FHIT: variants seen among roughly 807,000 people sequenced by gnomAD.
FHIT encodes the protein fragile histidine triad diadenosine triphosphatase, also known as bis(5'-adenosyl)-triphosphatase.
FHIT carries 19 observed loss-of-function variants against 17.9 expected under a neutral mutation model. The observed-to-expected ratio is 1.06, with a 90% CI of 0.74 to 1.56. The LOEUF is 1.56. Ranked by LOEUF, FHIT falls within the 40% of genes most tolerant of loss-of-function variation. FHIT has a pLI of 0.00. For missense variants in FHIT, 248 were observed against 189.2 expected (o/e 1.31, Z -1.82); for synonymous variants, 81 against 69.7 (o/e 1.16, Z -0.81).
At chr3:60,232,429 G>A (rs917915436) in intron 5 of FHIT, among the ~76,000 whole-genome samples, 2 of 152,112 alleles carry the variant, frequency 1.3e-5, no homozygotes, top group Non-Finnish European at 2.9e-5. Context: ...AGGACTGAAG[G>A]GAAGTCTTGG....
chr3:60,822,367 G>C (rs1176575616), intron 3 of FHIT, among the ~76,000 whole-genome samples: 1 of 152,162 alleles, frequency 6.6e-6, no homozygotes, highest in Non-Finnish European at 1.5e-5. Context: ...TTTGCAAAAA[G>C]ATGAGGCTGA....
intron 4 of FHIT, among the ~76,000 whole-genome samples, chr3:60,605,021 T>C (rs527720226): frequency 3.3e-5 from 5 of 152,066 alleles, no homozygotes; most frequent in Admixed American, 6.6e-5. Context: ...GTCTAAACCA[T>C]TCACATTTTT....
chr3:60,102,437 T>C lies in FHIT; in HGVS notation c.104-88285A>G, dbSNP rs539740902. ...GGGCGAGTAAGCCAGCACTTTCTGC[T>C]TTCACTTCTATCACTTTGGAAACAT... is the stretch of plus-strand genomic sequence containing the variant. On this transcript the variant is annotated intron_variant, in intron 5 of 9. Coordinates refer to ENST00000492590, the MANE Select transcript of FHIT (RefSeq NM_002012.4). 5.9e-5 allele frequency among the ~76,000 whole-genome samples: 9 copies of C among 152,300 alleles called. No individual in the cohort carries two copies. The East Asian group carries it at 1.2e-3, about 20-fold the overall frequency.
intron 5 of FHIT, among the ~76,000 whole-genome samples, chr3:60,144,058 G>A (rs2107309183): frequency 6.6e-6 from 1 of 150,586 alleles, no homozygotes; most frequent in Admixed American, 6.6e-5. Flanking sequence ...ACACTGGACT[G>A]AGAAATCAGT....
intron 4 of FHIT, among the ~76,000 whole-genome samples, chr3:60,808,477 T>A (rs1701472416): frequency 6.6e-6 from 1 of 152,174 alleles, no homozygotes; most frequent in Non-Finnish European, 1.5e-5. Flanking sequence ...CTCAACCCCA[T>A]ATTATATCAG....
chr3:60,150,422 T>C (rs1405202599), intron 5 of FHIT, among the ~76,000 whole-genome samples: 2 of 152,180 alleles, frequency 1.3e-5, no homozygotes, highest in African/African-American at 4.8e-5. Flanking sequence ...TCTCACCCCA[T>C]AAGGCAAACA....
intron 8 of FHIT, among the ~76,000 whole-genome samples, chr3:59,785,976 G>A (rs1207544565): frequency 1.3e-5 from 2 of 152,204 alleles, no homozygotes; most frequent in Non-Finnish European, 2.9e-5. Flanking sequence ...CATGGCGCCT[G>A]TGAGCTCTGA....
intron 2 of FHIT, among the ~76,000 whole-genome samples, chr3:61,167,825 T>C (rs4472047): frequency 0.052 from 7,883 of 152,234 alleles, 242 homozygotes; most frequent in Middle Eastern, 0.12. Context: ...TGGCATAATT[T>C]ATTTAGTCCA....
chr3:60,049,195 A>G (rs1049870360), intron 5 of FHIT, among the ~76,000 whole-genome samples: 1 of 152,146 alleles, frequency 6.6e-6, no homozygotes, highest in African/African-American at 2.4e-5. Flanking sequence ...TTTAAATGAT[A>G]TTTCACTACA....
intron 8 of FHIT, among the ~76,000 whole-genome samples, chr3:59,898,372 A>C (rs1704168095): frequency 6.6e-6 from 1 of 152,056 alleles, no homozygotes; most frequent in Non-Finnish European, 1.5e-5. Flanking sequence ...GATAAGGGGC[A>C]GTCAATATGT....
At chr3:60,818,296 G>A (rs939734011) in intron 4 of FHIT, among the ~76,000 whole-genome samples, 10 of 152,102 alleles carry the variant, frequency 6.6e-5, no homozygotes, top group Admixed American at 1.3e-4. Flanking sequence ...TCCATATAGC[G>A]TGTAATTTGG....
intron 8 of FHIT, among the ~76,000 whole-genome samples, chr3:59,795,173 G>A (rs564558048): frequency 4.6e-4 from 70 of 152,194 alleles, no homozygotes; most frequent in African/African-American, 1.7e-3. Context: ...ATTACTTGAG[G>A]TCAGGAGTTC....
chr3:60,231,181 A>G (rs1559746927), intron 5 of FHIT, among the ~76,000 whole-genome samples: 1 of 152,160 alleles, frequency 6.6e-6, no homozygotes, highest in African/African-American at 2.4e-5. Flanking sequence ...CCTTCTTTGC[A>G]GATATATTAT....
At chr3:60,198,760 C>G (rs79599528) in intron 5 of FHIT, among the ~76,000 whole-genome samples, 4,960 of 152,226 alleles carry the variant, frequency 0.033, 112 homozygotes, top group Middle Eastern at 0.11. Context: ...ATCTCTCTTT[C>G]TATCTTTTTG....
intron 8 of FHIT, among the ~76,000 whole-genome samples, chr3:59,895,290 G>A (rs1457056704): frequency 6.6e-6 from 1 of 152,212 alleles, no homozygotes; most frequent in East Asian, 1.9e-4. Context: ...CTCCAGGTAA[G>A]TAGGAATCAT....
chr3:61,101,356 A>AT (rs2035820201), intron 2 of FHIT, among the ~76,000 whole-genome samples: 6 of 152,240 alleles, frequency 3.9e-5, no homozygotes, highest in East Asian at 1.9e-4. Context: ...GGTGTGTCAA[A>AT]GATCAGATGG....
In FHIT at chr3:61,141,520, G is replaced by T. The variant is rs146046535; in HGVS notation, c.-164+59097C>A. Among the ~76,000 whole-genome samples the T allele has an allele frequency of 1.3e-3, 191 of 145,236 alleles. 4 individuals carry two copies. Among genetic ancestry groups the T allele is most frequent in the African/African-American group, 4.3e-3 (177 of 41,080 alleles). ...AGAGAGATATTTGATCCGTTCATTT[G>T]AAAGTCAATACTAAACATCCTTCCC... On this transcript the variant is annotated intron_variant, in intron 2 of 9. Transcript: ENST00000492590.
At chr3:61,236,751 A>T (rs1460346460) in intron 1 of FHIT, among the ~76,000 whole-genome samples, 1 of 152,174 alleles carries the variant, frequency 6.6e-6, no homozygotes, top group Non-Finnish European at 1.5e-5. Context: ...TGAAAGCAGG[A>T]AGGGAAAGCT....
chr3:60,392,226 T>C (rs558895717), intron 5 of FHIT, among the ~76,000 whole-genome samples: 1 of 152,166 alleles, frequency 6.6e-6, no homozygotes, highest in Non-Finnish European at 1.5e-5. Flanking sequence ...CAGAGCAACA[T>C]GAATAACATG....
Sources: gnomAD v4.1 joint callset for allele counts (sites outside exome capture counted in the v4.1 genomes callset) on GRCh38, gnomAD v4.1.1 for gene constraint, MANE v1.5 for transcripts, NCBI Gene and HGNC (gene_info 2026-07-23, HGNC 2026-07-21) for gene names.